TMEM132D: variants seen among roughly 807,000 people sequenced by gnomAD.
TMEM132D encodes mature OL transmembrane protein.
Under a neutral mutation model 62.3 loss-of-function variants are expected in TMEM132D, and 21 were observed. The observed-to-expected ratio is 0.34, with a 90% CI of 0.24 to 0.49. TMEM132D has a LOEUF of 0.49. Ranked by LOEUF, TMEM132D falls within the 20% of genes least tolerant of loss-of-function variation. The pLI is 0.99. For missense variants in TMEM132D, 1,346 were observed against 1,402.8 expected (o/e 0.96, Z 0.65); for synonymous variants, 621 against 575.6 (o/e 1.08, Z -1.13).
At chr12:129,503,964 C>A (rs1354096539) in intron 3 of TMEM132D, among the ~76,000 whole-genome samples, 1 of 145,794 alleles carries the variant, frequency 6.9e-6, no homozygotes, top group Non-Finnish European at 1.5e-5. Flanking sequence ...TCACTATTGT[C>A]ATCATCATCA....
intron 5 of TMEM132D, among the ~76,000 whole-genome samples, chr12:129,089,845 G>T (rs1026658753): frequency 1.3e-5 from 2 of 152,232 alleles, no homozygotes; most frequent in African/African-American, 4.8e-5. Flanking sequence ...AAGGGGCGTA[G>T]ACCAGATTCA....
rs965612594 is a variant in TMEM132D, at chr12:129,333,022, C to G, written c.1299+4612G>C. Among the ~76,000 whole-genome samples the G allele has an allele frequency of 5.9e-5, 9 of 152,134 alleles. No individual in the cohort carries two copies. The East Asian group carries it at 1.5e-3, about 26-fold the overall frequency. On this transcript the variant is annotated intron_variant, in intron 4 of 8. Transcript: ENST00000422113. Reference sequence around the variant, plus strand: ...TGGTAGCTTTAATGTTATATGACTTCTACCATAATAAAAAAAGATTTATAA... The same window carrying G: ...TGGTAGCTTTAATGTTATATGACTTGTACCATAATAAAAAAAGATTTATAA...
intron 3 of TMEM132D, among the ~76,000 whole-genome samples, chr12:129,444,406 T>C (rs1009706361): frequency 1.2e-4 from 18 of 151,954 alleles, no homozygotes; most frequent in African/African-American, 4.8e-5. Context: ...ATAAACAAAT[T>C]TAGAAGAAAA....
At chr12:129,860,805 G>A (rs140350758) in intron 1 of TMEM132D, among the ~76,000 whole-genome samples, 1,608 of 152,210 alleles carry the variant, frequency 0.011, 11 homozygotes, top group Non-Finnish European at 0.016. Flanking sequence ...CAGGGCAGCA[G>A]GAGAAAGAAG....
At chr12:129,810,547 T>C (rs1378904907) in intron 1 of TMEM132D, among the ~76,000 whole-genome samples, 1 of 60,832 alleles carries the variant, frequency 1.6e-5, no homozygotes. Context: ...GAAAAATATA[T>C]ACATACACAC....
rs577695959 is a variant in TMEM132D, at chr12:129,793,188, C to T, written c.80-92490G>A. ...TCAGCCTCCCAGACTGCCAGGATTA[C>T]AGGCATGACCCAACTCACCCAGCCT... is the stretch of plus-strand genomic sequence containing the variant. On this transcript the variant is annotated intron_variant, in intron 1 of 8. Transcript: ENST00000422113. Among the ~76,000 whole-genome samples, 224 of 151,834 alleles carry T rather than the reference C, an allele frequency of 1.5e-3. 6 individuals carry two copies. The South Asian group carries it at 0.046, about 31-fold the overall frequency.
intron 5 of TMEM132D, among the ~76,000 whole-genome samples, chr12:129,097,471 T>C (rs1184323350): frequency 6.6e-6 from 1 of 152,242 alleles, no homozygotes; most frequent in Non-Finnish European, 1.5e-5. Context: ...CCTATATCCA[T>C]AGAAGAAACT....
chr12:129,510,606 T>A (rs1875469038), intron 3 of TMEM132D, among the ~76,000 whole-genome samples: 1 of 152,172 alleles, frequency 6.6e-6, no homozygotes, highest in Non-Finnish European at 1.5e-5. Context: ...GGTCTCAGAT[T>A]TAAGTCTTTA....
At chr12:129,639,102 G>A (rs544124708) in intron 2 of TMEM132D, among the ~76,000 whole-genome samples, 2 of 152,054 alleles carry the variant, frequency 1.3e-5, no homozygotes, top group Non-Finnish European at 2.9e-5. Flanking sequence ...AAAAATCAGG[G>A]GCGGGCATGG....
intron 2 of TMEM132D, among the ~76,000 whole-genome samples, chr12:129,603,404 T>G (rs1247502859): frequency 6.6e-6 from 1 of 152,228 alleles, no homozygotes; most frequent in Non-Finnish European, 1.5e-5. Context: ...CAGCATGTAG[T>G]CTTTTCTAAT....
intron 4 of TMEM132D, among the ~76,000 whole-genome samples, chr12:129,297,657 G>T (rs185700707): frequency 6.6e-6 from 1 of 152,282 alleles, no homozygotes; most frequent in Admixed American, 6.5e-5. Context: ...TTACTTATCT[G>T]CGGCCAGGGC....
chr12:129,652,076 G>A (rs1002996336), intron 2 of TMEM132D, among the ~76,000 whole-genome samples: 2 of 152,186 alleles, frequency 1.3e-5, no homozygotes, highest in Non-Finnish European at 2.9e-5. Context: ...GCCAGCATAG[G>A]AAGAGGCATG....
Position 129,903,967 on chromosome 12 carries a change from GCCCGCCC to G in TMEM132D, c.-635_-629del, listed in dbSNP as rs1352520051. 6.7e-6 allele frequency among the ~76,000 whole-genome samples: 1 copy of G among 148,500 alleles called. No individual in the cohort carries two copies. The highest frequency in any genetic ancestry group is 1.5e-5 in the Non-Finnish European group (1 of 66,588). On this transcript the variant is annotated 5_prime_UTR_variant, in exon 1 of 9. Coordinates refer to ENST00000422113, the MANE Select transcript of TMEM132D (RefSeq NM_133448.3). This position sits in a 1 kb window ranked among gnomAD's most constrained non-coding sequence, Gnocchi z 6.2. Reference sequence around the variant, plus strand: ...CGGCTGCTCCCCGGCCGCCGCCTCGGCCCGCCCGGCCCCGGGCCCGGCTGGGGCTCGC... The same window carrying G: ...CGGCTGCTCCCCGGCCGCCGCCTCGGGGCCCCGGGCCCGGCTGGGGCTCGC...
intron 1 of TMEM132D, among the ~76,000 whole-genome samples, chr12:129,825,018 T>TC (rs34463238): frequency 3.1e-5 from 3 of 97,560 alleles, no homozygotes; most frequent in African/African-American, 1.1e-4. Flanking sequence ...AGTCTTTTTT[T>TC]TTTTTTTTTC....
intron 1 of TMEM132D, among the ~76,000 whole-genome samples, chr12:129,786,055 T>C (rs1436769901): frequency 1.3e-5 from 2 of 152,146 alleles, no homozygotes; most frequent in African/African-American, 4.8e-5. Flanking sequence ...TGACTGTGTG[T>C]CAAATGCATG....
At chr12:129,635,334 G>GTC (rs1408398731) in intron 2 of TMEM132D, among the ~76,000 whole-genome samples, 1 of 152,180 alleles carries the variant, frequency 6.6e-6, no homozygotes, top group African/African-American at 2.4e-5. Context: ...CTCTATAACG[G>GTC]TAAGTCCTCA....
At chr12:129,709,180 G>A (rs1881579672) in intron 1 of TMEM132D, among the ~76,000 whole-genome samples, 1 of 152,170 alleles carries the variant, frequency 6.6e-6, no homozygotes, top group East Asian at 1.9e-4. Context: ...AAGAATCATG[G>A]TCGGGGTCAA....
chr12:129,266,837 C>T (rs1880709377), intron 4 of TMEM132D, among the ~76,000 whole-genome samples: 1 of 152,136 alleles, frequency 6.6e-6, no homozygotes, highest in South Asian at 2.1e-4. Context: ...GCTATCACCA[C>T]CCAAATTAAA....
intron 1 of TMEM132D, among the ~76,000 whole-genome samples, chr12:129,794,748 A>C (rs1412934764): frequency 6.6e-6 from 1 of 152,068 alleles, no homozygotes; most frequent in Non-Finnish European, 1.5e-5. Context: ...TCTTTTTTCC[A>C]CATTATTTGC....
Sources: gnomAD v4.1 joint callset for allele counts (sites outside exome capture counted in the v4.1 genomes callset) on GRCh38, gnomAD v4.1.1 for gene constraint, Gnocchi (gnomAD v3.1) non-coding constraint, MANE v1.5 for transcripts, NCBI Gene and HGNC (gene_info 2026-07-23, HGNC 2026-07-21) for gene names.